The following PCDH15 variants were observed in gnomAD, a reference collection of about 807,000 sequenced individuals.
The protein encoded by PCDH15 is protocadherin-15.
Under a neutral mutation model 178.5 loss-of-function variants are expected in PCDH15, and 129 were observed. The observed-to-expected ratio is 0.72, with a 90% CI of 0.63 to 0.84. The LOEUF is 0.84. Among genes scored for constraint, PCDH15 ranks in the 40% least tolerant of loss-of-function variants. PCDH15 has a pLI of 0.00. For missense variants in PCDH15, 2,230 were observed against 2,099.9 expected (o/e 1.06, Z -1.21); for synonymous variants, 800 against 732.0 (o/e 1.09, Z -1.50).
chr10:54,548,990 T>C (rs1411101665), intron 2 of PCDH15, among the ~76,000 whole-genome samples: 1 of 151,794 alleles, frequency 6.6e-6, no homozygotes, highest in Non-Finnish European at 1.5e-5. Context: ...TTTATTAACA[T>C]ATATATTTCA....
At chr10:55,320,465 T>TAAAAG, upstream of PCDH15, among the ~76,000 whole-genome samples, 1 of 152,198 alleles carries the variant, frequency 6.6e-6, no homozygotes, top group East Asian at 1.9e-4. Context: ...CCCTGCCATG[T>TAAAAG]TGCCCACTGC....
chr10:55,094,687 G>A (rs1459626027), intron 2 of PCDH15, among the ~76,000 whole-genome samples: 1 of 151,958 alleles, frequency 6.6e-6, no homozygotes, highest in Non-Finnish European at 1.5e-5. Flanking sequence ...AGCATTCATA[G>A]TTTTATTTCA....
intron 1 of PCDH15, among the ~76,000 whole-genome samples, chr10:55,227,350 A>T (rs1170304396): frequency 6.6e-6 from 1 of 152,114 alleles, no homozygotes; most frequent in Non-Finnish European, 1.5e-5. Flanking sequence ...TTTCTCAAAA[A>T]CTATTCGAAG....
intron 15 of PCDH15, among the ~76,000 whole-genome samples, chr10:54,100,266 G>A (rs535775446): frequency 1.7e-4 from 26 of 152,032 alleles, no homozygotes; most frequent in African/African-American, 5.8e-4. Context: ...TCAGGAGGCT[G>A]AGGCAGGAGA....
At chr10:54,501,986 T>C (rs909290153) in intron 3 of PCDH15, among the ~76,000 whole-genome samples, 1 of 152,020 alleles carries the variant, frequency 6.6e-6, no homozygotes, top group East Asian at 1.9e-4. Flanking sequence ...TATAATATGT[T>C]AGCTGTTCTT....
intron 2 of PCDH15, among the ~76,000 whole-genome samples, chr10:55,460,294 G>A (rs1839646484): frequency 6.6e-6 from 1 of 151,300 alleles, no homozygotes; most frequent in Admixed American, 6.6e-5. Context: ...TGTGTATTGG[G>A]ATGGCTAAAA....
intron 25 of PCDH15, among the ~76,000 whole-genome samples, chr10:53,905,561 T>C (rs1381952925): frequency 1.3e-5 from 2 of 152,132 alleles, no homozygotes; most frequent in African/African-American, 2.4e-5. Flanking sequence ...TGTCTCGAAC[T>C]CCTGACCTCA....
chr10:54,599,210 G>T (rs2092400563), intron 2 of PCDH15, among the ~76,000 whole-genome samples: 1 of 151,960 alleles, frequency 6.6e-6, no homozygotes, highest in East Asian at 1.9e-4. Context: ...GGAATCTTAA[G>T]CACAAAGAAC....
chr10:54,709,625 TATAA>T (rs2095408207), intron 1 of PCDH15, among the ~76,000 whole-genome samples: 2 of 144,570 alleles, frequency 1.4e-5, no homozygotes, highest in African/African-American at 5.0e-5. Context: ...TATATATATA[TATAA>T]AATCACTTTA....
intron 2 of PCDH15, among the ~76,000 whole-genome samples, chr10:54,545,803 C>G (rs116076220): frequency 0.036 from 5,440 of 152,246 alleles, 308 homozygotes; most frequent in African/African-American, 0.12. Context: ...GTATATTGGA[C>G]CACCCACTCT....
chr10:55,520,753 GAAT>G (rs1438108426), intron 2 of PCDH15, among the ~76,000 whole-genome samples: 2 of 151,568 alleles, frequency 1.3e-5, no homozygotes, highest in African/African-American at 4.8e-5. Context: ...TTCTATAAAT[GAAT>G]AAGAGATATA....
chr10:55,188,275 C>A (rs1322695718), intron 1 of PCDH15, among the ~76,000 whole-genome samples: 1 of 151,714 alleles, frequency 6.6e-6, no homozygotes, highest in African/African-American at 2.4e-5. Context: ...ATATAATTTT[C>A]TCACGCTTTC....
At chr10:54,022,643 A>G (rs2092959237) in intron 19 of PCDH15, among the ~76,000 whole-genome samples, 1 of 152,140 alleles carries the variant, frequency 6.6e-6, no homozygotes, top group Non-Finnish European at 1.5e-5. Context: ...AAAACTATTA[A>G]AAAGTATATT....
intron 2 of PCDH15, among the ~76,000 whole-genome samples, chr10:55,407,192 G>A (rs558556372): frequency 3.9e-5 from 6 of 152,150 alleles, no homozygotes; most frequent in African/African-American, 1.2e-4. Flanking sequence ...GGCAACCGAC[G>A]TGCCAAGATT....
intron 15 of PCDH15, among the ~76,000 whole-genome samples, chr10:54,090,727 G>C (rs1028855616): frequency 1.3e-5 from 2 of 150,764 alleles, no homozygotes; most frequent in African/African-American, 4.9e-5. Context: ...TTTCTGTTCA[G>C]AATATATCAA....
intron 1 of PCDH15, among the ~76,000 whole-genome samples, chr10:54,779,488 G>GTGTATA (rs147450863): frequency 3.8e-5 from 2 of 53,320 alleles, no homozygotes; most frequent in African/African-American, 9.4e-5. Flanking sequence ...ACATATATAT[G>GTGTATA]TATATATATA....
At chr10:55,582,710 T>C (rs1410149495) in intron 2 of PCDH15, among the ~76,000 whole-genome samples, 10 of 148,932 alleles carry the variant, frequency 6.7e-5, no homozygotes, top group African/African-American at 2.5e-4. Context: ...AAAATCCTTC[T>C]TAAATCTGTA....
Position 55,510,850 on chromosome 10 carries a change from T to A in PCDH15, c.-156+116775A>T, listed in dbSNP as rs563218375. 4.0e-5 allele frequency among the ~76,000 whole-genome samples: 6 copies of A among 149,178 alleles called. No homozygotes were observed. In the East Asian group the frequency reaches 9.8e-4, roughly 24 times the overall value. On this transcript the variant is annotated intron_variant, in intron 2 of 5. Transcript: ENST00000613346. ...TATACATACACATATATACTATATA[T>A]ATAATATATATACATACACACACAC... is the stretch of plus-strand genomic sequence containing the variant.
intron 1 of PCDH15, among the ~76,000 whole-genome samples, chr10:54,710,440 C>T (rs139331557): frequency 7.0e-4 from 107 of 152,074 alleles, no homozygotes; most frequent in African/African-American, 2.4e-3. Context: ...CGAAGCATTT[C>T]TCTCTCAAGA....
Sources: allele counts gnomAD v4.1 joint callset (sites outside exome capture counted in the v4.1 genomes callset), GRCh38; gene constraint gnomAD v4.1.1; transcripts MANE v1.5; gene names NCBI Gene and HGNC (gene_info 2026-07-23, HGNC 2026-07-21).